The following MINDY3 variants were observed in gnomAD, a reference collection of about 807,000 sequenced individuals.
The protein encoded by MINDY3 is ubiquitin carboxyl-terminal hydrolase MINDY-3.
Under a neutral mutation model 69.2 loss-of-function variants are expected in MINDY3, and 38 were observed. The observed-to-expected ratio is 0.55, with a 90% CI of 0.42 to 0.72. The LOEUF (loss-of-function observed/expected upper bound fraction) is 0.72. Ranked by LOEUF, MINDY3 falls within the 30% of genes least tolerant of loss-of-function variation. MINDY3 has a pLI of 0.00. For missense variants in MINDY3, 522 were observed against 519.0 expected (o/e 1.01, Z -0.06); for synonymous variants, 192 against 180.1 (o/e 1.07, Z -0.53).
chr10:15,802,951 T>C (rs964957194), intron 10 of MINDY3, among the ~76,000 whole-genome samples: 3 of 152,056 alleles, frequency 2.0e-5, no homozygotes, highest in Admixed American at 2.0e-4. Flanking sequence ...AAAAAGAGAA[T>C]AAAAAGAGAA....
intron 1 of MINDY3, chr10:15,858,080 A>G (rs1001925166): frequency 1.4e-5 from 3 of 207,884 alleles, no homozygotes; most frequent in Admixed American, 6.5e-5. Context: ...AATGGCCTCA[A>G]AGAACAAACA....
At chr10:15,826,197 T>C (rs566953669) in intron 8 of MINDY3, among the ~76,000 whole-genome samples, 25 of 152,304 alleles carry the variant, frequency 1.6e-4, no homozygotes, top group African/African-American at 6.0e-4. Context: ...TTGGATTTTA[T>C]TTTAAGTGCG....
intron 1 of MINDY3, among the ~76,000 whole-genome samples, chr10:15,859,146 G>A (rs1834905119): frequency 6.6e-6 from 1 of 152,054 alleles, no homozygotes; most frequent in Non-Finnish European, 1.5e-5. Context: ...ACAATACATC[G>A]TAATTGTAAT....
chr10:15,837,376 A>C, intron 5 of MINDY3, 58 bp from the exon 6 acceptor site: 3 of 1,360,908 alleles, frequency 2.2e-6, no homozygotes, highest in Non-Finnish European at 1.0e-6. Context: ...ACATTCATAA[A>C]AGGGAAAATT....
At chr10:15,802,382 G>A (rs777743965) in intron 10 of MINDY3, among the ~76,000 whole-genome samples, 8 of 152,110 alleles carry the variant, frequency 5.3e-5, no homozygotes, top group Non-Finnish European at 1.0e-4. Context: ...GCCAGACAGC[G>A]AAGGAGAAGC....
At chr10:15,859,520 C>T (rs1834933929) in intron 1 of MINDY3, among the ~76,000 whole-genome samples, 1 of 152,102 alleles carries the variant, frequency 6.6e-6, no homozygotes, top group Non-Finnish European at 1.5e-5. Context: ...TATTTTATTT[C>T]ATTATTATTT....
At chr10:15,838,001 T>A (rs1324954761) in intron 5 of MINDY3, 2 of 977,904 alleles carry the variant, frequency 2.0e-6, no homozygotes, top group East Asian at 1.1e-4. Context: ...AGCTTTTTAA[T>A]GTTTTTGAAA....
At chr10:15,823,657 A>G (rs1839912635) in intron 8 of MINDY3, among the ~76,000 whole-genome samples, 1 of 152,198 alleles carries the variant, frequency 6.6e-6, no homozygotes, top group South Asian at 2.1e-4. Context: ...TGATCAAGCC[A>G]GGGTATGAAG....
At chr10:15,837,820 T>G (rs905206001) in intron 5 of MINDY3, 1 of 977,318 alleles carries the variant, frequency 1.0e-6, no homozygotes, top group Admixed American at 6.2e-5. Context: ...TACTTTGTAA[T>G]AAAAAGTTTA....
rs952676873 is a variant in MINDY3 at position 15,778,699 on chromosome 10, G to A, written c.*293C>T. ...TAATATACAAATGCTGTAGTATTGC[G>A]TTTGTAATTTGGTAAGTAAATGACC... On this transcript the variant is annotated 3_prime_UTR_variant, in exon 15 of 15. Coordinates refer to ENST00000277632, the MANE Select transcript of MINDY3 (RefSeq NM_024948.4). 2.0e-5 allele frequency: 5 copies of A among 251,696 alleles called. No homozygotes were observed. Among genetic ancestry groups the A allele is most frequent in the Non-Finnish European group, 3.8e-5 (5 of 130,698 alleles). 15.6% of individuals were successfully genotyped at this position (251,696 alleles called of 1,614,324 possible).
Position 15,825,885 on chromosome 10 carries a change from A to G in MINDY3, c.731-4159T>C, listed in dbSNP as rs78544100. On this transcript the variant is annotated intron_variant, in intron 8 of 14. Transcript: ENST00000277632. ...AACAAAAACCCACAAAAAACCAAGA[A>G]ACTTCTGGGTTTCTGAATTACAAGA... Among the ~76,000 whole-genome samples the G allele has an allele frequency of 3.7e-3, 570 of 152,260 alleles. 4 individuals carry two copies. Among genetic ancestry groups the G allele is most frequent in the African/African-American group, 0.013 (546 of 41,572 alleles).
intron 10 of MINDY3, among the ~76,000 whole-genome samples, chr10:15,801,704 T>A (rs1838271069): frequency 6.6e-6 from 1 of 152,046 alleles, no homozygotes; most frequent in African/African-American, 2.4e-5. Context: ...AACATGGAAG[T>A]CTGGTAGGAT....
chr10:15,806,305 G>T (rs531431435), intron 10 of MINDY3, among the ~76,000 whole-genome samples: 2 of 152,194 alleles, frequency 1.3e-5, no homozygotes, highest in African/African-American at 4.8e-5. Flanking sequence ...GCACATGGAG[G>T]AATCTCCACA....
At chr10:15,802,054 G>C (rs1038518750) in intron 10 of MINDY3, among the ~76,000 whole-genome samples, 1 of 151,282 alleles carries the variant, frequency 6.6e-6, no homozygotes, top group African/African-American at 2.4e-5. Flanking sequence ...CGAGATTACA[G>C]TATATAATAC....
At chr10:15,849,447 T>C (rs7094427) in intron 1 of MINDY3, among the ~76,000 whole-genome samples, 1 of 138,738 alleles carries the variant, frequency 7.2e-6, no homozygotes, top group Admixed American at 7.2e-5. Flanking sequence ...ATCTTACTGG[T>C]TTTTTTTTTT....
chr10:15,786,425 G>T, intron 13 of MINDY3, 136 bp downstream of exon 13: 1 of 630,276 alleles, frequency 1.6e-6, no homozygotes, highest in Non-Finnish European at 2.9e-6. Flanking sequence ...TGTCTGGGAA[G>T]GTTTCCATGT....
chr10:15,845,141 T>C (rs557891267), intron 2 of MINDY3, among the ~76,000 whole-genome samples: 3 of 152,334 alleles, frequency 2.0e-5, no homozygotes, highest in Non-Finnish European at 4.4e-5. Flanking sequence ...ATTCCAAGGA[T>C]ACATTTGATA....
At chr10:15,781,589 A>G (rs1028599709) in intron 14 of MINDY3, among the ~76,000 whole-genome samples, 2 of 152,078 alleles carry the variant, frequency 1.3e-5, no homozygotes, top group African/African-American at 2.4e-5. Flanking sequence ...GCTGCAAAGC[A>G]TCATGGGTAG....
At chr10:15,784,600 C>A (rs1240848329) in intron 13 of MINDY3, among the ~76,000 whole-genome samples, 2 of 152,068 alleles carry the variant, frequency 1.3e-5, no homozygotes, top group African/African-American at 4.8e-5. Context: ...CAAAAATTAG[C>A]CAGGCCACCA....
Sources: allele counts gnomAD v4.1 joint callset (sites outside exome capture counted in the v4.1 genomes callset), GRCh38; gene constraint gnomAD v4.1.1; transcripts MANE v1.5; gene names NCBI Gene and HGNC (gene_info 2026-07-23, HGNC 2026-07-21).